The following NAT10 variants were observed in gnomAD, a reference collection of about 807,000 sequenced individuals.
The protein encoded by NAT10 is N-acetyltransferase 10, also known as RNA cytidine acetyltransferase.
NAT10 carries 109 observed loss-of-function variants against 132.2 expected under a neutral mutation model. The ratio of observed to expected loss-of-function variants is 0.82; its 90% confidence interval spans 0.71 to 0.97. The LOEUF (loss-of-function observed/expected upper bound fraction) is 0.97, where lower values mean the gene tolerates loss of function less well. Ranked by LOEUF, NAT10 falls within the 50% of genes least tolerant of loss-of-function variation. The pLI is 0.00. For missense variants in NAT10, 1,184 were observed against 1,263.4 expected (o/e 0.94, Z 0.95); for synonymous variants, 479 against 478.0 (o/e 1.00, Z -0.03).
Position 34,111,993 on chromosome 11 carries a change from C to T in NAT10, c.201-59C>T. On this transcript the variant is annotated intron_variant, in intron 3 of 28. Transcript: ENST00000257829. ...GATCACTGAGCCTTTCCCCTGGTTC[C>T]AGCTCTTTAGCTGCTCTGGTTAACT... The T allele has an allele frequency of 3.8e-6, 6 of 1,595,186 alleles. No homozygotes were observed. The South Asian group carries it at 4.5e-5, about 12-fold the overall frequency.
chr11:34,124,033 G>A (rs995340607), intron 10 of NAT10, among the ~76,000 whole-genome samples, 178 bp downstream of exon 10: 2 of 152,212 alleles, frequency 1.3e-5, no homozygotes, highest in Non-Finnish European at 2.9e-5. Context: ...GCCGGGTGTG[G>A]TGGCGCATGC....
Position 34,127,510 on chromosome 11 carries a change from T to A in NAT10, c.1155T>A (p.Val385=), listed in dbSNP as rs1852017239. ...DAVKLGQAEL[V]VIDEAAAIPL... is the part of the protein sequence containing the mutation. The stretch of plus-strand genomic sequence containing the variant: ...TGAAGCTGGGCCAGGCTGAACTAGT[T>A]GTGATTGATGAAGCTGCCGCCATCC... The change falls in exon 12 of 29, where the codon GTT becomes GTA. Residue 385 remains valine (V), a synonymous_variant. Transcript: ENST00000257829. The A allele has an allele frequency of 6.2e-6, 10 of 1,614,084 alleles. No homozygotes were observed. Among genetic ancestry groups the A allele is most frequent in the Non-Finnish European group, 8.5e-6 (10 of 1,180,022 alleles).
chr11:34,127,325 A>G (rs975432559), intron 11 of NAT10, 138 bp from the exon 12 acceptor site: 9 of 1,031,082 alleles, frequency 8.7e-6, no homozygotes, highest in Non-Finnish European at 1.1e-5. Context: ...TGCCAGGAAA[A>G]AGTAGAAAGG....
chr11:34,111,818 C>G (rs1409071991), intron 3 of NAT10, among the ~76,000 whole-genome samples: 2 of 152,216 alleles, frequency 1.3e-5, no homozygotes, highest in Non-Finnish European at 2.9e-5. Context: ...CTCAAGGTCA[C>G]AGGGCAAAAT....
rs576857858 is a variant in NAT10, at chr11:34,123,965, T to G, written c.1008+110T>G. ...CGGGCGGATCACCTGAGGTCGGGAG[T>G]TGGAGACCAGCCTGACCAACATAGA... On this transcript the variant is annotated intron_variant, in intron 10 of 28. Transcript: ENST00000257829. 640 of 801,318 alleles carry G rather than the reference T, an allele frequency of 8.0e-4. 11 individuals are homozygous for G. Among genetic ancestry groups the G allele is most frequent in the South Asian group, 7.0e-3 (467 of 66,374 alleles). 49.6% of individuals were successfully genotyped at this position (801,318 alleles called of 1,614,324 possible).
At chr11:34,128,032 A>G (rs1295533009) in intron 12 of NAT10, among the ~76,000 whole-genome samples, 5 of 152,158 alleles carry the variant, frequency 3.3e-5, no homozygotes, top group East Asian at 1.9e-4. Flanking sequence ...AGTGTTGGCT[A>G]TTGAAAAATT....
At chr11:34,123,671 A>T in intron 9 of NAT10, 91 bp from the exon 10 acceptor site, 1 of 991,648 alleles carries the variant, frequency 1.0e-6, no homozygotes, top group Non-Finnish European at 1.5e-6. Flanking sequence ...CACCTTTGGG[A>T]CAGGAGCAAA....
At chr11:34,132,925 A>G in intron 15 of NAT10, 101 bp from the exon 16 acceptor site, 2 of 902,124 alleles carry the variant, frequency 2.2e-6, no homozygotes, top group Non-Finnish European at 3.6e-6. Context: ...TTGGCTTTGG[A>G]GAAGGCCATA....
At chr11:34,135,093 A>G in intron 18 of NAT10, 82 bp from the exon 19 acceptor site, 1 of 1,084,228 alleles carries the variant, frequency 9.2e-7, no homozygotes, top group Non-Finnish European at 1.4e-6. Flanking sequence ...GGTTCTCTAG[A>G]AGCAATGCAG....
chr11:34,124,874 T>C (rs746791302), intron 11 of NAT10, among the ~76,000 whole-genome samples: 13 of 152,254 alleles, frequency 8.5e-5, no homozygotes, highest in Non-Finnish European at 1.8e-4. Context: ...TCTAAAAATC[T>C]CTAGCACTCT....
rs1241649776 is a variant in NAT10 at position 34,140,701 on chromosome 11, T to TG, written c.2592+131dup. The TG allele has an allele frequency of 1.3e-5, 14 of 1,095,476 alleles. No individual in the cohort carries two copies. In the East Asian group the frequency reaches 3.1e-4, roughly 24 times the overall value. 67.9% of individuals were successfully genotyped at this position (1,095,476 alleles called of 1,614,324 possible). On this transcript the variant is annotated intron_variant, in intron 24 of 28. Transcript: ENST00000257829. ...CCTCATACATCTGATAGGTGGGTAG[T>TG]GGCATCCTCATTCTACAGGTCAGGA...
At chr11:34,112,725 G>A (rs1851716399) in intron 4 of NAT10, among the ~76,000 whole-genome samples, 1 of 152,146 alleles carries the variant, frequency 6.6e-6, no homozygotes, top group African/African-American at 2.4e-5. Context: ...AGACTACTTG[G>A]TGAATTTCTG....
chr11:34,123,807 T>TA lies in NAT10; in HGVS notation c.961dup (p.Thr321AsnfsTer4), dbSNP rs1460009361. 1.2e-6 allele frequency: 2 copies of TA among 1,611,816 alleles called. No homozygotes were observed. Among genetic ancestry groups the TA allele is most frequent in the Non-Finnish European group, 1.7e-6 (2 of 1,177,848 alleles). Reference sequence around the variant, plus strand: ...CCTCCCCAAGCCCTGATAACCTCCATACTCTGTTTGAATTTGTATTTAAAG... The same window carrying TA: ...CCTCCCCAAGCCCTGATAACCTCCATAACTCTGTTTGAATTTGTATTTAAAG... On this transcript the variant is annotated frameshift_variant, in exon 10 of 29. Transcript: ENST00000257829. LOFTEE classifies it high-confidence loss of function.
At chr11:34,145,279 A>C (rs982331902) in intron 28 of NAT10, among the ~76,000 whole-genome samples, 1 of 152,208 alleles carries the variant, frequency 6.6e-6, no homozygotes, top group African/African-American at 2.4e-5. Flanking sequence ...CATGTGCTTG[A>C]TGGCTCTGAG....
At chr11:34,111,070 T>A (rs1027971800) in intron 3 of NAT10, among the ~76,000 whole-genome samples, 1 of 152,246 alleles carries the variant, frequency 6.6e-6, no homozygotes, top group Admixed American at 6.5e-5. Flanking sequence ...CTATTTTTCA[T>A]TTGGCAAATA....
Position 34,108,764 on chromosome 11 carries a change from T to G in NAT10, c.131T>G (p.Leu44Ter). ...KDQVVILHHM[L>*]SKATVKARPS... ...CAGGTGGTAATACTTCATCACATGT[T>G]ATCCAAAGCAACTGTGAAGGCTCGG... Residue 44 changes from leucine (L) to a stop codon, truncating the protein, a stop_gained, in exon 3 of 29, where the codon TTA becomes TGA. Coordinates refer to ENST00000257829, the MANE Select transcript of NAT10 (RefSeq NM_024662.3). LOFTEE classifies it high-confidence loss of function. The G allele has an allele frequency of 6.2e-7, 1 of 1,613,318 alleles. No homozygotes were observed. The highest frequency in any genetic ancestry group is 8.5e-7 in the Non-Finnish European group (1 of 1,179,800).
Position 34,108,304 on chromosome 11 carries a change from G to T in NAT10, c.79G>T (p.Val27Phe). 1.9e-6 allele frequency: 3 copies of T among 1,614,172 alleles called. No homozygotes were observed. Among genetic ancestry groups the T allele is most frequent in the Non-Finnish European group, 1.7e-6 (2 of 1,180,004 alleles). Reference protein sequence around the residue: ...GVAERQRSLFVVVGDRGKDQV... With the variant: ...GVAERQRSLFFVVGDRGKDQV... ...AGCTGAGCGGCAAAGATCTCTCTTT[G>T]TTGTAGTTGGGGATCGAGGAAAAGA... Residue 27 changes from valine (V) to phenylalanine (F), a missense_variant, in exon 2 of 29, where the codon GTT becomes TTT. Transcript: ENST00000257829.
At chr11:34,135,059 C>G in intron 18 of NAT10, 116 bp from the exon 19 acceptor site, 1 of 764,678 alleles carries the variant, frequency 1.3e-6, no homozygotes, top group South Asian at 1.6e-5. Context: ...TTCTCTTGCC[C>G]CGTGCTGTTT....
At chr11:34,118,049 A>G (rs1851814593) in intron 6 of NAT10, 131 bp from the exon 7 acceptor site, 1 of 658,238 alleles carries the variant, frequency 1.5e-6, no homozygotes, top group Non-Finnish European at 2.6e-6. Context: ...CTGCTCTCCA[A>G]CTAGGTTTTA....
Sources: gnomAD v4.1 joint callset for allele counts (sites outside exome capture counted in the v4.1 genomes callset) on GRCh38, gnomAD v4.1.1 for gene constraint, MANE v1.5 for transcripts, NCBI Gene and HGNC (gene_info 2026-07-23, HGNC 2026-07-21) for gene names.